VPS13B: variants seen among roughly 807,000 people sequenced by gnomAD.
VPS13B encodes intermembrane lipid transfer protein VPS13B.
Under a neutral mutation model 426.4 loss-of-function variants are expected in VPS13B, and 285 were observed. The ratio of observed to expected loss-of-function variants is 0.67; its 90% CI spans 0.61 to 0.74. VPS13B has a LOEUF of 0.74. VPS13B is among the 30% of genes least tolerant of loss of function. The probability of loss-of-function intolerance (pLI) is 0.00; values close to 1 mark genes in which losing one functional copy is unlikely to be tolerated. For missense variants in VPS13B, 4,537 were observed against 4,782.6 expected (o/e 0.95, Z 1.51); for synonymous variants, 1,676 against 1,676.4 (o/e 1.00, Z 0.01).
intron 17 of VPS13B, among the ~76,000 whole-genome samples, chr8:99,205,295 GC>G (rs964229546): frequency 1.3e-5 from 2 of 152,090 alleles, no homozygotes; most frequent in Non-Finnish European, 2.9e-5. Flanking sequence ...ATAAGTTGGA[GC>G]TGAACAATGG....
At chr8:99,265,934 T>G (rs1213147558) in intron 17 of VPS13B, among the ~76,000 whole-genome samples, 1 of 152,220 alleles carries the variant, frequency 6.6e-6, no homozygotes, top group Non-Finnish European at 1.5e-5. Flanking sequence ...TGTCTTTTTA[T>G]TTTCGTTTCT....
At chr8:99,829,244 T>C (rs1814905529) in intron 51 of VPS13B, among the ~76,000 whole-genome samples, 1 of 152,190 alleles carries the variant, frequency 6.6e-6, no homozygotes, top group South Asian at 2.1e-4. Context: ...CAATCAAATG[T>C]AGGTTTGGTC....
chr8:99,333,811 A>G (rs1309767132), intron 19 of VPS13B, among the ~76,000 whole-genome samples: 1 of 151,984 alleles, frequency 6.6e-6, no homozygotes, highest in East Asian at 1.9e-4. Flanking sequence ...TTCACTCAGA[A>G]TAATTCTCTG....
At chr8:99,160,998 C>G (rs1291042484) in intron 15 of VPS13B, among the ~76,000 whole-genome samples, 1 of 152,110 alleles carries the variant, frequency 6.6e-6, no homozygotes, top group Non-Finnish European at 1.5e-5. Flanking sequence ...GGTGTGGACA[C>G]AGGGAAGTGT....
intron 51 of VPS13B, among the ~76,000 whole-genome samples, chr8:99,824,402 C>T (rs1309879381): frequency 2.0e-5 from 3 of 152,170 alleles, no homozygotes; most frequent in Non-Finnish European, 4.4e-5. Context: ...CGTGGATCTG[C>T]GAGCAGTGAG....
At chr8:99,642,821 C>T (rs570078595) in intron 34 of VPS13B, among the ~76,000 whole-genome samples, 1 of 152,092 alleles carries the variant, frequency 6.6e-6, no homozygotes, top group East Asian at 1.9e-4. Context: ...TATTAATGGC[C>T]CATAGGTATG....
chr8:99,875,454 T>TACA lies in VPS13B; in HGVS notation c.11786_11788dup (p.Asn3929dup), dbSNP rs1554590369. On this transcript the variant is annotated inframe_insertion, in exon 62 of 62. Transcript: ENST00000357162. ...CCGAGAGAGACTGTCAGAGCAACAG[T>TACA]ACAACAGACTGGTGGACTACATCAC... 1.1e-5 allele frequency: 18 copies of TACA among 1,614,068 alleles called. No individual in the cohort carries two copies. The highest frequency in any genetic ancestry group is 1.4e-5 in the Non-Finnish European group (17 of 1,180,022).
chr8:99,324,418 C>G (rs1251015625), intron 19 of VPS13B, among the ~76,000 whole-genome samples: 1 of 152,020 alleles, frequency 6.6e-6, no homozygotes, highest in African/African-American at 2.4e-5. Context: ...TCCACTGGAC[C>G]AAAGCAATAT....
At chr8:99,486,051 C>G (rs1028913764) in intron 25 of VPS13B, among the ~76,000 whole-genome samples, 2 of 152,036 alleles carry the variant, frequency 1.3e-5, no homozygotes. Flanking sequence ...CTGTGTGATT[C>G]CTATGAGCCC....
At chr8:99,709,775 G>A (rs371022810) in intron 36 of VPS13B, among the ~76,000 whole-genome samples, 46 of 152,244 alleles carry the variant, frequency 3.0e-4, no homozygotes, top group African/African-American at 1.0e-3. Context: ...ATCCTGAGTG[G>A]GATCCTGAAA....
intron 21 of VPS13B, among the ~76,000 whole-genome samples, chr8:99,404,976 A>T (rs948291312): frequency 9.2e-5 from 14 of 152,342 alleles, no homozygotes; most frequent in Non-Finnish European, 2.1e-4. Flanking sequence ...AGCATGGTGA[A>T]GCTTATTTTG....
chr8:99,540,249 T>C (rs1204943001), intron 30 of VPS13B, among the ~76,000 whole-genome samples: 2 of 149,644 alleles, frequency 1.3e-5, no homozygotes, highest in Non-Finnish European at 3.0e-5. Context: ...CTGGCTAATT[T>C]TTTGTATTTT....
At chr8:99,861,124 G>T (rs1047998561) in intron 57 of VPS13B, among the ~76,000 whole-genome samples, 5 of 152,060 alleles carry the variant, frequency 3.3e-5, no homozygotes, top group Non-Finnish European at 5.9e-5. Flanking sequence ...TCAAAATTGG[G>T]CCTCAGTGAA....
intron 3 of VPS13B, among the ~76,000 whole-genome samples, chr8:99,063,238 A>G (rs1844292246): frequency 6.6e-6 from 1 of 152,212 alleles, no homozygotes; most frequent in Non-Finnish European, 1.5e-5. Flanking sequence ...GGTGCAGCCC[A>G]CAGAGGGCAA....
chr8:99,823,744 T>A, intron 50 of VPS13B, 88 bp from the exon 51 acceptor site: 3 of 1,393,234 alleles, frequency 2.2e-6, no homozygotes, highest in Non-Finnish European at 3.0e-6. Flanking sequence ...GGCAGACAAT[T>A]AGATAAAATA....
In VPS13B at chr8:99,150,311, C is replaced by T. The variant is rs902296129; in HGVS notation, c.2013+2301C>T. 7.9e-5 allele frequency among the ~76,000 whole-genome samples: 12 copies of T among 152,260 alleles called. No homozygotes were observed. In the South Asian group the frequency reaches 1.5e-3, roughly 18 times the overall value. On this transcript the variant is annotated intron_variant, in intron 14 of 61. Transcript: ENST00000357162. Reference sequence around the variant, plus strand: ...ATTTTTCATAAACTGACTCCCCCCACGTACATAGCTTCCCTCTTTGTCAAC... The same window carrying T: ...ATTTTTCATAAACTGACTCCCCCCATGTACATAGCTTCCCTCTTTGTCAAC...
intron 30 of VPS13B, among the ~76,000 whole-genome samples, chr8:99,541,335 C>T (rs1050477255): frequency 4.6e-5 from 7 of 152,004 alleles, no homozygotes; most frequent in African/African-American, 7.3e-5. Flanking sequence ...AAGCATGGCA[C>T]ATTTTTTTTT....
At chr8:99,219,390 C>T (rs1199785017) in intron 17 of VPS13B, among the ~76,000 whole-genome samples, 1 of 152,130 alleles carries the variant, frequency 6.6e-6, no homozygotes, top group East Asian at 1.9e-4. Context: ...TATCAAAGGC[C>T]CCATTAGGCC....
intron 41 of VPS13B, among the ~76,000 whole-genome samples, chr8:99,777,264 T>C (rs988915597): frequency 1.3e-5 from 2 of 152,152 alleles, no homozygotes; most frequent in Non-Finnish European, 2.9e-5. Flanking sequence ...TATTAGTTCA[T>C]TTTTCACGCT....
Sources: allele counts gnomAD v4.1 joint callset (sites outside exome capture counted in the v4.1 genomes callset), GRCh38; gene constraint gnomAD v4.1.1; transcripts MANE v1.5; gene names NCBI Gene and HGNC (gene_info 2026-07-23, HGNC 2026-07-21).